Variants in PTPRN2 observed in about 807,000 individuals in gnomAD.
PTPRN2 encodes the protein receptor-type tyrosine-protein phosphatase N2.
In PTPRN2, 74 loss-of-function variants were observed where a neutral mutation model predicts 118.8. The ratio of observed to expected loss-of-function variants is 0.62; its 90% CI spans 0.52 to 0.76. The LOEUF (loss-of-function observed/expected upper bound fraction) is 0.76. Among genes scored for constraint, PTPRN2 ranks in the 30% least tolerant of loss-of-function variants. The pLI is 0.00. For missense variants in PTPRN2, 1,481 were observed against 1,394.4 expected (o/e 1.06, Z -0.99); for synonymous variants, 641 against 608.0 (o/e 1.05, Z -0.80).
chr7:158,351,933 TCCCCTCCTGACCGCTCCCCTCCTGTCC>T, intron 2 of PTPRN2, among the ~76,000 whole-genome samples: 1 of 93,880 alleles, frequency 1.1e-5, no homozygotes, highest in Non-Finnish European at 2.3e-5. Context: ...TCCTGTCCGC[TCCCCTCCTGACCGCTCCCCTCCTGTCC>T]GCTCCCCTCC....
chr7:158,417,052 T>C (rs893512873), intron 2 of PTPRN2, among the ~76,000 whole-genome samples: 25 of 152,236 alleles, frequency 1.6e-4, no homozygotes, highest in African/African-American at 5.5e-4. Flanking sequence ...TAAGTCACAG[T>C]GCACTACATC....
At chr7:158,317,588 G>C (rs376919757) in intron 2 of PTPRN2, among the ~76,000 whole-genome samples, 26 of 152,226 alleles carry the variant, frequency 1.7e-4, no homozygotes, top group African/African-American at 5.3e-4. Flanking sequence ...GTCTTTATTC[G>C]GCGAATTGTT....
At chr7:158,041,321 A>G (rs761504011) in intron 11 of PTPRN2, among the ~76,000 whole-genome samples, 9 of 152,216 alleles carry the variant, frequency 5.9e-5, no homozygotes, top group Non-Finnish European at 8.8e-5. Flanking sequence ...TTTTCTAAGT[A>G]GTTCTTAACA....
intron 1 of PTPRN2, among the ~76,000 whole-genome samples, chr7:158,516,373 C>T (rs1043716614): frequency 1.3e-5 from 2 of 152,218 alleles, no homozygotes; most frequent in Admixed American, 1.3e-4. Context: ...AACATGCAGC[C>T]TCTTCTGTAT....
At chr7:158,424,535 G>T (rs1815535917) in intron 2 of PTPRN2, among the ~76,000 whole-genome samples, 1 of 152,186 alleles carries the variant, frequency 6.6e-6, no homozygotes. Flanking sequence ...CCTGTCTCTG[G>T]CTACATTCAA....
intron 1 of PTPRN2, among the ~76,000 whole-genome samples, chr7:158,573,854 G>A (rs937191603): frequency 2.6e-5 from 4 of 152,244 alleles, no homozygotes; most frequent in African/African-American, 9.6e-5. Flanking sequence ...CCAGAAGAGT[G>A]GGCCCCCTTG....
At chr7:157,897,303 C>A (rs912700652) in intron 12 of PTPRN2, among the ~76,000 whole-genome samples, 1 of 152,156 alleles carries the variant, frequency 6.6e-6, no homozygotes, top group Non-Finnish European at 1.5e-5. Context: ...CACAGCCACC[C>A]CCGGCTGACT....
At chr7:157,802,540 G>C (rs1397307632) in intron 12 of PTPRN2, among the ~76,000 whole-genome samples, 1 of 152,226 alleles carries the variant, frequency 6.6e-6, no homozygotes, top group Non-Finnish European at 1.5e-5. Context: ...ATGAACTCCG[G>C]AGCGCACCCG....
At chr7:158,300,554 A>ACAGCGCCTCGCCCGCCACCCAGTCCCG (rs11268790) in intron 3 of PTPRN2, among the ~76,000 whole-genome samples, 135,914 of 146,606 alleles carry the variant, frequency 0.93, 63,054 homozygotes, top group Non-Finnish European at 0.94. Context: ...CTGCACGCCC[A>ACAGCGCCTCGCCCGCCACCCAGTCCCG]CAGCGCCTCG....
At chr7:158,111,080 C>T (rs1271295861) in intron 9 of PTPRN2, among the ~76,000 whole-genome samples, 165 bp from the exon 10 acceptor site, 1 of 152,192 alleles carries the variant, frequency 6.6e-6, no homozygotes, top group East Asian at 1.9e-4. Flanking sequence ...CCTGAGTTTC[C>T]AGCAACAAGA....
At chr7:157,614,630 C>T (rs1738342242) in intron 15 of PTPRN2, among the ~76,000 whole-genome samples, 1 of 152,124 alleles carries the variant, frequency 6.6e-6, no homozygotes, top group Non-Finnish European at 1.5e-5. Context: ...TGAGCTGTGC[C>T]CTGATGCCCC....
rs550543467 is a variant in PTPRN2 at position 157,841,818 on chromosome 7, T to C, written c.1788+56855A>G. On this transcript the variant is annotated intron_variant, in intron 12 of 22. Transcript: ENST00000389418. ...TTCGGGGTGCTGGGGACGTCCTCTC[T>C]GGTTATCAGGAGAACACCCTGGATT... Among the ~76,000 whole-genome samples the C allele has an allele frequency of 1.5e-4, 23 of 152,312 alleles. 1 individual carries two copies. Among genetic ancestry groups the C allele is most frequent in the African/African-American group, 3.1e-4 (13 of 41,572 alleles).
chr7:158,402,670 T>C (rs1410759931), intron 2 of PTPRN2, among the ~76,000 whole-genome samples: 1 of 152,200 alleles, frequency 6.6e-6, no homozygotes, highest in African/African-American at 2.4e-5. Flanking sequence ...GCGATGTTCC[T>C]GCAGGGAAGG....
intron 9 of PTPRN2, among the ~76,000 whole-genome samples, chr7:158,131,678 C>T (rs571285284): frequency 1.5e-4 from 21 of 144,730 alleles, no homozygotes; most frequent in South Asian, 4.6e-4. Flanking sequence ...CACATCTACC[C>T]GACACACACT....
rs116141875 is a variant in PTPRN2 at position 157,833,176 on chromosome 7, G to A, written c.1788+65497C>T. 4.3e-3 allele frequency among the ~76,000 whole-genome samples: 648 copies of A among 151,294 alleles called. 7 individuals are homozygous for A. The highest frequency in any genetic ancestry group is 0.015 in the African/African-American group (606 of 41,098). ...TAAACTCGTTCAGGAAGTATGCGAC[G>A]TGGCCAGCGCCCATCCATCCTGTAT... On this transcript the variant is annotated intron_variant, in intron 12 of 22. Coordinates refer to ENST00000389418, the MANE Select transcript of PTPRN2 (RefSeq NM_002847.5).
chr7:157,867,431 C>G lies in PTPRN2; in HGVS notation c.1788+31242G>C, dbSNP rs548533227. On this transcript the variant is annotated intron_variant, in intron 12 of 22. Coordinates refer to ENST00000389418, the MANE Select transcript of PTPRN2 (RefSeq NM_002847.5). ...CTGGATACACGGCCACCTGGATACA[C>G]GGCCACCACCCCGCCCCTGACGCTC... 8.6e-5 allele frequency among the ~76,000 whole-genome samples: 12 copies of G among 139,384 alleles called. No homozygotes were observed. The South Asian group carries it at 3.0e-3, about 35-fold the overall frequency. 91.4% of individuals were successfully genotyped at this position (139,384 alleles called of 152,430 possible).
Position 157,780,605 on chromosome 7 carries a change from C to T in PTPRN2, c.1789-97668G>A, listed in dbSNP as rs1803618697. On this transcript the variant is annotated intron_variant, in intron 12 of 22. Transcript: ENST00000389418. The surrounding 1 kb of genome is among the most constrained non-coding windows in gnomAD (Gnocchi z 4.5). ...TCTGCACGCCTTCACCGTGAGAGGC[C>T]CCTGGACAAGGGACTGCCTTCCTCT... Among the ~76,000 whole-genome samples, 1 of 152,178 alleles carries T rather than the reference C, an allele frequency of 6.6e-6. No individual in the cohort carries two copies. Among genetic ancestry groups the T allele is most frequent in the South Asian group, 2.1e-4 (1 of 4,832 alleles).
intron 2 of PTPRN2, among the ~76,000 whole-genome samples, chr7:158,433,003 C>T (rs916408356): frequency 1.8e-4 from 28 of 152,314 alleles, no homozygotes; most frequent in East Asian, 5.8e-4. Context: ...CCAGGCTGAA[C>T]GTCAGCTTTG....
At chr7:157,778,405 C>T (rs1034792883) in intron 12 of PTPRN2, among the ~76,000 whole-genome samples, 18 of 151,450 alleles carry the variant, frequency 1.2e-4, no homozygotes, top group African/African-American at 4.1e-4. Context: ...TGAATGCCCA[C>T]GTACATGTGA....
Sources: allele counts gnomAD v4.1 joint callset (sites outside exome capture counted in the v4.1 genomes callset), GRCh38; gene constraint gnomAD v4.1.1; non-coding constraint Gnocchi (gnomAD v3.1); transcripts MANE v1.5; gene names NCBI Gene and HGNC (gene_info 2026-07-23, HGNC 2026-07-21).